The following KLHL20 variants were observed in gnomAD, a reference collection of about 807,000 sequenced individuals.
The protein encoded by KLHL20 is kelch-like protein 20.
KLHL20 carries 29 observed loss-of-function variants against 69.5 expected under a neutral mutation model. The observed-to-expected ratio is 0.42, with a 90% CI of 0.31 to 0.57. The LOEUF is 0.57. Among genes scored for constraint, KLHL20 ranks in the 20% least tolerant of loss-of-function variants. The pLI is 0.18. For missense variants in KLHL20, 419 were observed against 776.0 expected (o/e 0.54, Z 5.47); for synonymous variants, 253 against 265.2 (o/e 0.95, Z 0.45).
chr1:173,753,094 G>A (rs1379228165), intron 4 of KLHL20, 119 bp from the exon 5 acceptor site: 9 of 743,732 alleles, frequency 1.2e-5, no homozygotes, highest in Non-Finnish European at 4.5e-6. Flanking sequence ...CATCACTTGA[G>A]CCCAGGAGAT....
In KLHL20 at chr1:173,734,034, C is replaced by T. The variant is rs748762508; in HGVS notation, c.345C>T (p.Asp115=). 49 of 1,613,978 alleles carry T rather than the reference C, an allele frequency of 3.0e-5. No homozygotes were observed. The highest frequency in any genetic ancestry group is 1.6e-4 in the Middle Eastern group (1 of 6,084). ...CAGAAGTAGTGATCCGAGACATTGA[C>T]GAGAGGGCTATGGAATTACTGATTG... ...RQTEVVIRDI[D]ERAMELLIDF... is the part of the protein sequence containing the mutation. The change falls in exon 3 of 12, where the codon GAC becomes GAT. Residue 115 remains aspartate (D), a synonymous_variant. Transcript: ENST00000209884.
chr1:173,774,155 T>C (rs1022560152), intron 8 of KLHL20, 150 bp from the exon 9 acceptor site: 3 of 888,968 alleles, frequency 3.4e-6, no homozygotes, highest in South Asian at 3.7e-5. Flanking sequence ...AAGACGTTTT[T>C]CTAATGACTA....
intron 8 of KLHL20, among the ~76,000 whole-genome samples, chr1:173,766,674 G>C (rs1009075838): frequency 2.7e-5 from 4 of 150,210 alleles, no homozygotes; most frequent in African/African-American, 9.8e-5. Context: ...GAAACAAGTA[G>C]AGCTGAATTT....
At chr1:173,715,312 C>T (rs970924972) in intron 1 of KLHL20, 1 of 152,300 alleles carries the variant, frequency 6.6e-6, no homozygotes, top group Non-Finnish European at 1.5e-5. Context: ...CGGGCTTTGT[C>T]CTGCCTGGTG....
chr1:173,723,227 C>T (rs1320658866), intron 2 of KLHL20, among the ~76,000 whole-genome samples: 1 of 152,122 alleles, frequency 6.6e-6, no homozygotes, highest in African/African-American at 2.4e-5. Context: ...CACTGTTAAT[C>T]ATGTGATTTA....
At chr1:173,730,692 T>C (rs1409132923) in intron 2 of KLHL20, among the ~76,000 whole-genome samples, 1 of 152,232 alleles carries the variant, frequency 6.6e-6, no homozygotes, top group Non-Finnish European at 1.5e-5. Context: ...ACTGGATCCC[T>C]TCATTACACC....
chr1:173,779,750 A>T (rs1006591614), intron 10 of KLHL20, among the ~76,000 whole-genome samples: 1 of 152,132 alleles, frequency 6.6e-6, no homozygotes, highest in Non-Finnish European at 1.5e-5. Context: ...TTGCAACTTA[A>T]TGTTTCTAGC....
At chr1:173,759,208 C>T (rs781332068) in intron 7 of KLHL20, among the ~76,000 whole-genome samples, 12 of 152,136 alleles carry the variant, frequency 7.9e-5, no homozygotes, top group Non-Finnish European at 1.5e-4. Context: ...TCCCCCATCC[C>T]CAACAGCAGT....
chr1:173,780,090 G>A (rs182151657), intron 10 of KLHL20, among the ~76,000 whole-genome samples: 24 of 152,228 alleles, frequency 1.6e-4, no homozygotes, highest in Admixed American at 1.4e-3. Flanking sequence ...ATAAAAGAGA[G>A]TGAATTCTGG....
chr1:173,733,760 G>A lies in KLHL20; in HGVS notation c.71G>A (p.Arg24His), dbSNP rs1314766307. 1.2e-5 allele frequency: 20 copies of A among 1,613,920 alleles called. No individual in the cohort carries two copies. The highest frequency in any genetic ancestry group is 2.7e-5 in the African/African-American group (2 of 74,868). ...GAGACTGGAATGGATGTAACAAGCC[G>A]CTGCACCCTTGGAGACCCCAACAAA... Reference protein sequence around the residue: ...PGETGMDVTSRCTLGDPNKLP... With the variant: ...PGETGMDVTSHCTLGDPNKLP... The change falls in exon 3 of 12, where the codon CGC becomes CAC. Residue 24 changes from arginine to histidine, a missense_variant. Transcript: ENST00000209884.
chr1:173,764,058 G>A lies in KLHL20; in HGVS notation c.1152-2088G>A, dbSNP rs573145078. ...AAAAAAACAATCCTATCAAAAAGTG[G>A]GCTAAGGACGTGAATAAACAATTCT... On this transcript the variant is annotated intron_variant, in intron 7 of 11. Transcript: ENST00000209884. 5.7e-4 allele frequency among the ~76,000 whole-genome samples: 86 copies of A among 152,158 alleles called. 1 individual carries two copies. Among genetic ancestry groups the A allele is most frequent in the African/African-American group, 2.0e-3 (82 of 41,496 alleles).
chr1:173,722,236 C>G lies in KLHL20; in HGVS notation c.23+6170C>G, dbSNP rs190675069. Among the ~76,000 whole-genome samples, 19 of 152,208 alleles carry G rather than the reference C, an allele frequency of 1.2e-4. No homozygotes were observed. In the East Asian group the frequency reaches 3.5e-3, roughly 28 times the overall value. Reference sequence around the variant, plus strand: ...AAAGTGCTGGGATTACAGCTGTGAGCCACCATGCCCAGCTAGCTTTTACAT... The same window carrying G: ...AAAGTGCTGGGATTACAGCTGTGAGGCACCATGCCCAGCTAGCTTTTACAT... On this transcript the variant is annotated intron_variant, in intron 2 of 11. Coordinates refer to ENST00000209884, the MANE Select transcript of KLHL20 (RefSeq NM_014458.4).
intron 3 of KLHL20, among the ~76,000 whole-genome samples, chr1:173,743,404 T>A (rs1672916670): frequency 6.6e-6 from 1 of 152,062 alleles, no homozygotes; most frequent in South Asian, 2.1e-4. Context: ...TCTGGGTAAT[T>A]GGAGAGTATA....
At chr1:173,781,709 C>A (rs1648890921) in intron 10 of KLHL20, among the ~76,000 whole-genome samples, 1 of 152,160 alleles carries the variant, frequency 6.6e-6, no homozygotes, top group South Asian at 2.1e-4. Flanking sequence ...TCAAGTGATG[C>A]TCCCACCTGG....
intron 8 of KLHL20, among the ~76,000 whole-genome samples, chr1:173,772,155 A>G (rs1276167386): frequency 6.6e-6 from 1 of 152,244 alleles, no homozygotes; most frequent in Admixed American, 6.5e-5. Context: ...CTCTACTCCC[A>G]GATTGTATCT....
At chr1:173,727,536 A>G (rs986250461) in intron 2 of KLHL20, among the ~76,000 whole-genome samples, 1 of 152,238 alleles carries the variant, frequency 6.6e-6, no homozygotes, top group East Asian at 1.9e-4. Context: ...AGCCCATCAG[A>G]CTAACAGCTG....
chr1:173,784,135 T>C (rs1441873949), intron 11 of KLHL20, among the ~76,000 whole-genome samples: 4 of 152,020 alleles, frequency 2.6e-5, no homozygotes, highest in Admixed American at 6.6e-5. Flanking sequence ...ACCAATTGTA[T>C]TGAGGGAGAC....
At chr1:173,754,564 A>C (rs994756954) in intron 5 of KLHL20, among the ~76,000 whole-genome samples, 8 of 151,044 alleles carry the variant, frequency 5.3e-5, no homozygotes, top group Admixed American at 4.0e-4. Context: ...AGCCTGGGCA[A>C]CAAAAGTGAA....
At chr1:173,775,925 T>G in intron 10 of KLHL20, 83 bp downstream of exon 10, 8 of 1,107,948 alleles carry the variant, frequency 7.2e-6, no homozygotes, top group Non-Finnish European at 1.1e-5. Context: ...CAGATATCTC[T>G]TCATTATACT....
Sources: allele counts gnomAD v4.1 joint callset (sites outside exome capture counted in the v4.1 genomes callset), GRCh38; gene constraint gnomAD v4.1.1; transcripts MANE v1.5; gene names NCBI Gene and HGNC (gene_info 2026-07-23, HGNC 2026-07-21).